Variants in VCP observed in about 807,000 individuals in gnomAD.
The protein encoded by VCP is valosin containing protein.
Under a neutral mutation model 85.7 loss-of-function variants are expected in VCP, and 6 were observed. The observed-to-expected ratio is 0.07, with a 90% CI of 0.04 to 0.14. VCP has a LOEUF of 0.14. Ranked by LOEUF, VCP falls within the 10% of genes least tolerant of loss-of-function variation. VCP has a pLI of 1.00. For synonymous variants in VCP, 384 were observed against 367.1 expected (o/e 1.05, Z -0.53); for missense variants, 353 against 1,043.4 (o/e 0.34, Z 9.12).
At chr9:35,066,012 G>C (rs930035145) in intron 4 of VCP, among the ~76,000 whole-genome samples, 1 of 152,034 alleles carries the variant, frequency 6.6e-6, no homozygotes, top group Non-Finnish European at 1.5e-5. Flanking sequence ...TGTAATCCCA[G>C]CTACTTGGGA....
At chr9:35,063,933 C>T (rs766826293) in intron 6 of VCP, among the ~76,000 whole-genome samples, 4 of 152,150 alleles carry the variant, frequency 2.6e-5, no homozygotes, top group Admixed American at 1.3e-4. Flanking sequence ...GTGTTTTGTG[C>T]GCACACGCAC....
chr9:35,057,657 GC>G, intron 15 of VCP, 127 bp from the exon 16 acceptor site: 1 of 1,295,210 alleles, frequency 7.7e-7, no homozygotes, highest in Non-Finnish European at 1.1e-6. Flanking sequence ...AAGATGCTAG[GC>G]CATGCTTCCT....
At position 35,060,539 on chromosome 9, in the gene VCP, G is replaced by A. The variant is rs776057031; in HGVS notation, c.1483-14C>T. The A allele has an allele frequency of 1.2e-6, 2 of 1,613,072 alleles. No individual in the cohort carries two copies. Among genetic ancestry groups the A allele is most frequent in the Non-Finnish European group, 1.7e-6 (2 of 1,179,470 alleles). On this transcript the variant is annotated splice_polypyrimidine_tract_variant and intron_variant, in intron 12 of 16. Transcript: ENST00000358901. ...CTCCACAGGATACTAGGAGGAAAAG[G>A]AAAGAGGGTTCAAGGCTACCTCCAC...
At chr9:35,057,292 T>C (rs1455677080) in intron 16 of VCP, 70 bp from the exon 17 acceptor site, 2 of 1,613,654 alleles carry the variant, frequency 1.2e-6, no homozygotes, top group African/African-American at 1.3e-5. Flanking sequence ...CAACTACCCC[T>C]CTAGCTTCCT....
At chr9:35,066,530 C>T in intron 4 of VCP, 145 bp downstream of exon 4, 2 of 1,236,028 alleles carry the variant, frequency 1.6e-6, no homozygotes, top group South Asian at 1.4e-5. Flanking sequence ...CCCAGCTGAC[C>T]CCATCTCTTA....
At chr9:35,060,656 C>T (rs1304810518) in intron 12 of VCP, 131 bp from the exon 13 acceptor site, 2 of 1,533,832 alleles carry the variant, frequency 1.3e-6, no homozygotes, top group Non-Finnish European at 1.8e-6. Flanking sequence ...TAGAAGAAGA[C>T]TCCTTAGTGC....
chr9:35,072,343 C>T lies in VCP; in HGVS notation c.11G>A (p.Gly4Glu), dbSNP rs767081097. The stretch of plus-strand genomic sequence containing the variant: ...ACGGCGCGCGCACACTCACTCGGCT[C>T]CAGAAGCCATGGCGCGCGCCTCTCC... MAS[G>E]ADSKGDDLST... is the part of the protein sequence containing the mutation. Residue 4 changes from glycine to glutamate, a missense_variant, in exon 1 of 17, where the codon GGA becomes GAA. By Grantham distance (98) the Gly-to-Glu change is moderately conservative. Transcript: ENST00000358901. 4.0e-6 allele frequency: 6 copies of T among 1,486,596 alleles called. No individual in the cohort carries two copies. The highest frequency in any genetic ancestry group is 2.5e-5 in the South Asian group (2 of 79,022). The allele number at this position is 1,486,596 out of a possible 1,614,324, so 92.1% of individuals were successfully genotyped here.
chr9:35,059,317 T>C lies in VCP; in HGVS notation c.2005-98A>G, dbSNP rs1587119899. ...AGCACTCCCAACTACAGTTTGCCCC[T>C]TCTTTGGCCACCCCATTTTATTCCT... On this transcript the variant is annotated intron_variant, in intron 14 of 16. Coordinates refer to ENST00000358901, the MANE Select transcript of VCP (RefSeq NM_007126.5). This position sits in a 1 kb window ranked among gnomAD's most constrained non-coding sequence, Gnocchi z 4.9. The C allele has an allele frequency of 6.4e-6, 10 of 1,571,058 alleles. No homozygotes were observed. The highest frequency in any genetic ancestry group is 8.7e-6 in the Non-Finnish European group (10 of 1,155,064).
intron 13 of VCP, 140 bp downstream of exon 13, chr9:35,060,173 G>C: frequency 2.1e-6 from 2 of 944,920 alleles, no homozygotes; most frequent in Non-Finnish European, 3.3e-6. Flanking sequence ...AGGTCTCTCA[G>C]ACCTCAGAAA....
At chr9:35,071,560 C>T (rs1394273894) in intron 1 of VCP, among the ~76,000 whole-genome samples, 1 of 152,164 alleles carries the variant, frequency 6.6e-6, no homozygotes, top group Non-Finnish European at 1.5e-5. Flanking sequence ...AACTGAGATT[C>T]CAACTTTAGC....
At chr9:35,063,685 C>T (rs1328402592) in intron 6 of VCP, among the ~76,000 whole-genome samples, 4 of 152,246 alleles carry the variant, frequency 2.6e-5, no homozygotes, top group Non-Finnish European at 4.4e-5. Flanking sequence ...CATGGAAACA[C>T]TTTCCCACTA....
In VCP at chr9:35,059,327, ACC is replaced by A; in HGVS notation, c.2005-110_2005-109del. On this transcript the variant is annotated intron_variant, in intron 14 of 16. Coordinates refer to ENST00000358901, the MANE Select transcript of VCP (RefSeq NM_007126.5). This position sits in a 1 kb window ranked among gnomAD's most constrained non-coding sequence, Gnocchi z 4.9. ...ACTACAGTTTGCCCCTTCTTTGGCC[ACC>A]CCATTTTATTCCTGATTCTAGATTA... The A allele has an allele frequency of 6.4e-7, 1 of 1,553,508 alleles. No homozygotes were observed. Among genetic ancestry groups the A allele is most frequent in the African/African-American group, 1.4e-5 (1 of 73,538 alleles).
At chr9:35,058,023 T>TA (rs1828645005) in intron 15 of VCP, among the ~76,000 whole-genome samples, 2 of 152,204 alleles carry the variant, frequency 1.3e-5, no homozygotes, top group South Asian at 4.1e-4. Flanking sequence ...GTGACATATA[T>TA]ACTCTTAAAT....
intron 1 of VCP, chr9:35,071,728 G>A: frequency 2.0e-6 from 2 of 986,468 alleles, no homozygotes; most frequent in Non-Finnish European, 2.4e-6. Context: ...AGTCCTTCAC[G>A]ACTCAGGTCA....
intron 4 of VCP, among the ~76,000 whole-genome samples, chr9:35,066,364 C>T (rs1385619850): frequency 6.7e-6 from 1 of 149,092 alleles, no homozygotes; most frequent in Non-Finnish European, 1.5e-5. Flanking sequence ...TGGGTTCAAG[C>T]AATTCTCATG....
At chr9:35,064,569 A>T (rs1215871117) in intron 5 of VCP, among the ~76,000 whole-genome samples, 1 of 152,156 alleles carries the variant, frequency 6.6e-6, no homozygotes, top group African/African-American at 2.4e-5. Flanking sequence ...GGCCTCAAAG[A>T]ACAACTACAA....
Position 35,062,146 on chromosome 9 carries a change from A to T in VCP, c.946-8T>A, listed in dbSNP as rs1563977996. 6.2e-7 allele frequency: 1 copy of T among 1,614,142 alleles called. No homozygotes were observed. The highest frequency in any genetic ancestry group is 1.7e-5 in the Admixed American group (1 of 60,026). On this transcript the variant is annotated splice_polypyrimidine_tract_variant and splice_region_variant and intron_variant, in intron 8 of 16. Coordinates refer to ENST00000358901, the MANE Select transcript of VCP (RefSeq NM_007126.5). ...CTCCACCTCGCCATGAGTCTGCCAG[A>T]ACAGGATGTCTGGTCAGAAGTGAAG...
chr9:35,068,741 C>G (rs895117070), intron 1 of VCP, among the ~76,000 whole-genome samples: 6 of 152,020 alleles, frequency 3.9e-5, no homozygotes, highest in Admixed American at 1.3e-4. Context: ...ATAGTCAGAC[C>G]CATTGGGTCT....
At chr9:35,071,113 A>G (rs1011536136) in intron 1 of VCP, among the ~76,000 whole-genome samples, 1 of 152,214 alleles carries the variant, frequency 6.6e-6, no homozygotes, top group Non-Finnish European at 1.5e-5. Flanking sequence ...ACTTTTGAAA[A>G]TAAGAGGCTG....
Sources: gnomAD v4.1 joint callset for allele counts (sites outside exome capture counted in the v4.1 genomes callset) on GRCh38, gnomAD v4.1.1 for gene constraint, Gnocchi (gnomAD v3.1) non-coding constraint, MANE v1.5 for transcripts, NCBI Gene and HGNC (gene_info 2026-07-23, HGNC 2026-07-21) for gene names.